Variants in ANKRD30BL observed in about 807,000 individuals in gnomAD.
The protein encoded by ANKRD30BL is ankyrin repeat domain 30B like.
ANKRD30BL carries 20 observed loss-of-function variants against 18.4 expected under a neutral mutation model. The observed-to-expected ratio is 1.09, with a 90% CI of 0.77 to 1.58. The LOEUF (loss-of-function observed/expected upper bound fraction) is 1.58, where lower values mean the gene tolerates loss of function less well. Among genes scored for constraint, ANKRD30BL ranks in the 40% most tolerant of loss-of-function variants. The pLI is 0.00. For missense variants in ANKRD30BL, 224 were observed against 268.6 expected (o/e 0.83, Z 1.16); for synonymous variants, 72 against 100.9 (o/e 0.71, Z 1.72).
chr2:132,149,824 T>C, intron 5 of ANKRD30BL, among the ~76,000 whole-genome samples: 1 of 152,196 alleles, frequency 6.6e-6, no homozygotes, highest in East Asian at 1.9e-4. Flanking sequence ...TGAAGTCCTT[T>C]ATGTATAATA....
intron 1 of ANKRD30BL, among the ~76,000 whole-genome samples, chr2:132,211,990 A>T (rs200104252): frequency 6.7e-6 from 1 of 150,356 alleles, no homozygotes; most frequent in Non-Finnish European, 1.5e-5. Flanking sequence ...AACATGCTTT[A>T]GATTGAGCAG....
intron 1 of ANKRD30BL, among the ~76,000 whole-genome samples, chr2:132,185,443 G>T (rs1030937177): frequency 3.0e-4 from 46 of 152,132 alleles, no homozygotes; most frequent in Admixed American, 9.2e-4. Context: ...TTTCTAATTA[G>T]AATAATTGAG....
At position 132,176,929 on chromosome 2, in the gene ANKRD30BL, T is replaced by C. The variant is rs569011299; in HGVS notation, n.442-19783A>G. 2.2e-4 allele frequency among the ~76,000 whole-genome samples: 34 copies of C among 152,320 alleles called. No homozygotes were observed. The South Asian group carries it at 2.3e-3, about 10-fold the overall frequency. On this transcript the variant is annotated intron_variant and non_coding_transcript_variant, in intron 1 of 4. Coordinates refer to the ANKRD30BL transcript ENST00000470729. ...AGAAGTCCAAACTCAACAACATTTG[T>C]TTACATTACTAAGGTCTTTAAAATT...
intron 1 of ANKRD30BL, among the ~76,000 whole-genome samples, chr2:132,169,376 C>T (rs1433956839): frequency 6.6e-5 from 10 of 151,852 alleles, no homozygotes; most frequent in Admixed American, 5.2e-4. Context: ...TGGCGGGGTG[C>T]GGTGGCCCAC....
intron 1 of ANKRD30BL, among the ~76,000 whole-genome samples, chr2:132,252,456 G>A (rs939879519): frequency 3.3e-5 from 5 of 152,058 alleles, no homozygotes; most frequent in Non-Finnish European, 7.4e-5. Context: ...AGCGAACCAC[G>A]GGACCATGGC....
At chr2:132,201,151 G>A (rs1215276961) in intron 1 of ANKRD30BL, among the ~76,000 whole-genome samples, 1 of 152,024 alleles carries the variant, frequency 6.6e-6, no homozygotes, top group East Asian at 1.9e-4. Flanking sequence ...AATTCAAGAT[G>A]TATTAAAGAC....
intron 1 of ANKRD30BL, among the ~76,000 whole-genome samples, chr2:132,254,683 G>T (rs200451805): frequency 1.3e-5 from 2 of 152,168 alleles, no homozygotes; most frequent in African/African-American, 4.8e-5. Flanking sequence ...AGTGTAGCGC[G>T]CGTGCAGCCC....
chr2:132,176,859 A>G (rs1688374967), intron 1 of ANKRD30BL, among the ~76,000 whole-genome samples: 1 of 152,208 alleles, frequency 6.6e-6, no homozygotes, highest in South Asian at 2.1e-4. Context: ...TTAAAATGGT[A>G]TCCTTTCACT....
intron 1 of ANKRD30BL, among the ~76,000 whole-genome samples, chr2:132,224,339 T>A (rs79800336): frequency 7.9e-5 from 12 of 151,980 alleles, no homozygotes; most frequent in Non-Finnish European, 1.5e-4. Flanking sequence ...ATTCTCAGAA[T>A]CTTCTTTGTG....
At chr2:132,198,316 CTTTCTTTCTTTT>C (rs1679014085) in intron 1 of ANKRD30BL, among the ~76,000 whole-genome samples, 1 of 11,532 alleles carries the variant, frequency 8.7e-5, no homozygotes, top group African/African-American at 2.2e-4. Context: ...TTCTTTCTTT[CTTTCTTTCTTTT>C]TTTTTTTTTT....
chr2:132,234,161 A>C lies in ANKRD30BL; in HGVS notation n.441+23368T>G, dbSNP rs549279808. 2.0e-5 allele frequency among the ~76,000 whole-genome samples: 3 copies of C among 152,318 alleles called. No homozygotes were observed. In the South Asian group the frequency reaches 6.2e-4, roughly 32 times the overall value. ...AACATGAACAAAGACACAACATACC[A>C]GAATCTCTGGGACACATTCAAAGCA... On this transcript the variant is annotated intron_variant and non_coding_transcript_variant, in intron 1 of 4. Transcript: ENST00000470729.
At chr2:132,233,229 T>A (rs1680069202) in intron 1 of ANKRD30BL, among the ~76,000 whole-genome samples, 2 of 151,734 alleles carry the variant, frequency 1.3e-5, no homozygotes, top group African/African-American at 2.4e-5. Context: ...CACTGCAAAA[T>A]CATGCCAAAA....
intron 1 of ANKRD30BL, among the ~76,000 whole-genome samples, chr2:132,224,397 T>G (rs1679785049): frequency 6.6e-6 from 1 of 152,038 alleles, no homozygotes; most frequent in Admixed American, 6.6e-5. Context: ...TCATAGAGCC[T>G]TTTGAAACAC....
intron 1 of ANKRD30BL, among the ~76,000 whole-genome samples, chr2:132,234,837 G>A (rs2104787243): frequency 6.6e-6 from 1 of 152,300 alleles, no homozygotes; most frequent in South Asian, 2.1e-4. Context: ...CTCATTTTAT[G>A]AGGCCAGCAT....
chr2:132,255,879 C>T (rs1558745527), intron 1 of ANKRD30BL, among the ~76,000 whole-genome samples: 1 of 152,126 alleles, frequency 6.6e-6, no homozygotes, highest in South Asian at 2.1e-4. Context: ...GGGGGGCGTG[C>T]GATTGGCCCG....
At chr2:132,214,506 C>CAA (rs57379754) in intron 1 of ANKRD30BL, among the ~76,000 whole-genome samples, 5 of 150,258 alleles carry the variant, frequency 3.3e-5, no homozygotes, top group African/African-American at 1.2e-4. Flanking sequence ...TATCTTCACA[C>CAA]AAAAAAAAGA....
chr2:132,157,608 G>A (rs1323636325), intron 1 of ANKRD30BL, among the ~76,000 whole-genome samples, 185 bp from the exon 2 acceptor site: 2 of 152,160 alleles, frequency 1.3e-5, no homozygotes, highest in African/African-American at 4.8e-5. Context: ...ATGAAAGAGT[G>A]CCTGTTTGAA....
chr2:132,229,870 C>T (rs901683168), intron 1 of ANKRD30BL, among the ~76,000 whole-genome samples: 10 of 151,902 alleles, frequency 6.6e-5, no homozygotes, highest in Non-Finnish European at 1.5e-4. Context: ...TTGAAACTTC[C>T]TTTCCATAGA....
chr2:132,228,857 A>T (rs1679919298), intron 1 of ANKRD30BL, among the ~76,000 whole-genome samples: 1 of 151,232 alleles, frequency 6.6e-6, no homozygotes, highest in African/African-American at 2.5e-5. Context: ...CTTTTGACTG[A>T]GCACTTTGGA....
Sources: gnomAD v4.1 joint callset for allele counts (sites outside exome capture counted in the v4.1 genomes callset) on GRCh38, gnomAD v4.1.1 for gene constraint, MANE v1.5 for transcripts, NCBI Gene and HGNC (gene_info 2026-07-23, HGNC 2026-07-21) for gene names.